ME1: variants seen among roughly 807,000 people sequenced by gnomAD.
The protein encoded by ME1 is malic enzyme 1.
Under a neutral mutation model 66.4 loss-of-function variants are expected in ME1, and 74 were observed. The observed-to-expected ratio is 1.11, with a 90% CI of 0.92 to 1.35. The LOEUF is 1.35. Ranked by LOEUF, ME1 falls within the 40% of genes most tolerant of loss-of-function variation. The pLI is 0.00. For synonymous variants in ME1, 251 were observed against 235.6 expected (o/e 1.07, Z -0.60); for missense variants, 750 against 694.1 (o/e 1.08, Z -0.90).
At chr6:83,299,637 G>A (rs1168503631) in intron 6 of ME1, among the ~76,000 whole-genome samples, 1 of 152,108 alleles carries the variant, frequency 6.6e-6, no homozygotes, top group African/African-American at 2.4e-5. Context: ...TCAATACTAA[G>A]TTGAATAAGA....
chr6:83,348,793 G>C (rs1768735803), intron 4 of ME1, among the ~76,000 whole-genome samples: 1 of 151,288 alleles, frequency 6.6e-6, no homozygotes, highest in African/African-American at 2.4e-5. Context: ...TTCAAGACCA[G>C]CCTGACCAAC....
chr6:83,375,073 A>G (rs968328817), intron 3 of ME1, among the ~76,000 whole-genome samples: 1 of 152,144 alleles, frequency 6.6e-6, no homozygotes, highest in African/African-American at 2.4e-5. Context: ...TGCCTTGGCT[A>G]TATGGGGTCT....
In ME1 at chr6:83,213,196, A is replaced by C. The variant is rs538424508; in HGVS notation, c.1549-1102T>G. ...TCCCAGCACTTTGGGAGGCCGAGGC[A>C]GGTGGATCACCTGAGGTCAGGAGTT... On this transcript the variant is annotated intron_variant, in intron 13 of 13. Transcript: ENST00000369705. Among the ~76,000 whole-genome samples, 453 of 151,742 alleles carry C rather than the reference A, an allele frequency of 3.0e-3. 1 individual carries two copies. The highest frequency in any genetic ancestry group is 4.2e-3 in the Non-Finnish European group (287 of 67,902).
At chr6:83,298,467 C>A (rs1170512) in intron 6 of ME1, among the ~76,000 whole-genome samples, 5 of 151,874 alleles carry the variant, frequency 3.3e-5, no homozygotes, top group African/African-American at 1.2e-4. Context: ...GGATATTAGA[C>A]CTTTCTCAGA....
At chr6:83,324,808 T>C (rs550481624) in intron 5 of ME1, among the ~76,000 whole-genome samples, 96 of 151,124 alleles carry the variant, frequency 6.4e-4, no homozygotes, top group Admixed American at 6.1e-3. Context: ...CTGGTACCAT[T>C]CCTTCTGAAA....
intron 3 of ME1, among the ~76,000 whole-genome samples, chr6:83,373,536 C>A (rs1470293641): frequency 1.3e-5 from 2 of 152,142 alleles, no homozygotes; most frequent in African/African-American, 4.8e-5. Flanking sequence ...GTATTTTTAT[C>A]TTTCATTAAA....
At chr6:83,241,924 G>T (rs555679255) in intron 7 of ME1, among the ~76,000 whole-genome samples, 2 of 151,926 alleles carry the variant, frequency 1.3e-5, no homozygotes, top group African/African-American at 4.8e-5. Flanking sequence ...GTGCAGTGGC[G>T]CGATCCTGGC....
chr6:83,354,800 C>T (rs1364907188), intron 3 of ME1, among the ~76,000 whole-genome samples: 1 of 152,156 alleles, frequency 6.6e-6, no homozygotes, highest in Non-Finnish European at 1.5e-5. Context: ...AATCCTGATG[C>T]CTATAAGTGT....
intron 12 of ME1, among the ~76,000 whole-genome samples, chr6:83,222,626 A>G (rs529938195): frequency 6.6e-6 from 1 of 152,338 alleles, no homozygotes; most frequent in Non-Finnish European, 1.5e-5. Context: ...CAAAAAGCTC[A>G]TGATTTTATA....
intron 7 of ME1, among the ~76,000 whole-genome samples, chr6:83,252,396 G>A (rs1433256546): frequency 6.6e-6 from 1 of 151,856 alleles, no homozygotes; most frequent in Non-Finnish European, 1.5e-5. Flanking sequence ...TGGGCTCAAG[G>A]GATTCAATCC....
intron 1 of ME1, among the ~76,000 whole-genome samples, chr6:83,412,453 G>A (rs2128552551): frequency 6.6e-6 from 1 of 152,218 alleles, no homozygotes; most frequent in South Asian, 2.1e-4. Context: ...TCAAAAAAAT[G>A]TGTCGGATTA....
chr6:83,227,508 C>G, intron 10 of ME1, 31 bp from the exon 11 acceptor site: 1 of 1,543,452 alleles, frequency 6.5e-7, no homozygotes, highest in Non-Finnish European at 8.8e-7. Context: ...TGGTAATTAA[C>G]ACTATCATTG....
chr6:83,255,220 T>C (rs1043079845), intron 6 of ME1, among the ~76,000 whole-genome samples: 1 of 152,024 alleles, frequency 6.6e-6, no homozygotes, highest in East Asian at 1.9e-4. Context: ...TGTCTATTTG[T>C]CATTTGTAAT....
intron 6 of ME1, among the ~76,000 whole-genome samples, chr6:83,305,954 G>A (rs1332334078): frequency 1.3e-5 from 2 of 151,946 alleles, no homozygotes; most frequent in Non-Finnish European, 2.9e-5. Context: ...TCTTTCAAAA[G>A]GAAAAGTAAA....
intron 6 of ME1, among the ~76,000 whole-genome samples, chr6:83,277,376 T>G (rs1359871019): frequency 1.3e-5 from 2 of 152,180 alleles, no homozygotes; most frequent in Non-Finnish European, 2.9e-5. Flanking sequence ...CCAGTTTAAT[T>G]AGAACTAACC....
chr6:83,268,028 C>A (rs898953393), intron 6 of ME1, among the ~76,000 whole-genome samples: 4 of 152,114 alleles, frequency 2.6e-5, no homozygotes, highest in Non-Finnish European at 5.9e-5. Flanking sequence ...GTGGCATGCT[C>A]TATAAAGAAA....
intron 1 of ME1, among the ~76,000 whole-genome samples, chr6:83,430,035 G>C (rs1269494500): frequency 1.3e-5 from 2 of 152,148 alleles, no homozygotes; most frequent in African/African-American, 2.4e-5. Context: ...CATCCCGAGT[G>C]CTTATATTGC....
intron 7 of ME1, among the ~76,000 whole-genome samples, chr6:83,244,988 A>T (rs1354582623): frequency 6.6e-6 from 1 of 152,158 alleles, no homozygotes; most frequent in Non-Finnish European, 1.5e-5. Context: ...ATCACCTGTG[A>T]CCTATCAAAG....
At chr6:83,420,820 T>G (rs1244440310) in intron 1 of ME1, among the ~76,000 whole-genome samples, 1 of 152,198 alleles carries the variant, frequency 6.6e-6, no homozygotes, top group Non-Finnish European at 1.5e-5. Context: ...AAATCTATGA[T>G]GCAAAACAGT....
Sources: allele counts gnomAD v4.1 joint callset (sites outside exome capture counted in the v4.1 genomes callset), GRCh38; gene constraint gnomAD v4.1.1; transcripts MANE v1.5; gene names NCBI Gene and HGNC (gene_info 2026-07-23, HGNC 2026-07-21).